The following SCUBE1 variants were observed in gnomAD, a reference collection of about 807,000 sequenced individuals.
SCUBE1 encodes signal peptide, CUB domain and EGF like domain containing 1, also known as signal peptide, CUB and EGF-like domain-containing protein 1.
A neutral mutation model predicts 124.4 loss-of-function variants in SCUBE1; 59 were observed. The observed-to-expected ratio is 0.47, with a 90% CI of 0.38 to 0.59. The LOEUF is 0.59. Among genes scored for constraint, SCUBE1 ranks in the 20% least tolerant of loss-of-function variants. SCUBE1 has a pLI of 0.00. For synonymous variants in SCUBE1, 545 were observed against 550.9 expected (o/e 0.99, Z 0.15); for missense variants, 1,150 against 1,371.2 (o/e 0.84, Z 2.55).
rs1921557447 is a variant in SCUBE1 at position 43,211,566 on chromosome 22, G to C, written c.2222-483C>G. On this transcript the variant is annotated intron_variant, in intron 17 of 21. Transcript: ENST00000360835. The surrounding 1 kb of genome is among the most constrained non-coding windows in gnomAD (Gnocchi z 4.5). ...GGAGCTCGCTCCGTCACCCAGGCTGGAGTGCAATGGTGCCATCTCGGCTCA... is the reference window on the plus strand; with the variant it reads ...GGAGCTCGCTCCGTCACCCAGGCTGCAGTGCAATGGTGCCATCTCGGCTCA... 6.6e-6 allele frequency among the ~76,000 whole-genome samples: 1 copy of C among 151,230 alleles called. No individual in the cohort carries two copies. The highest frequency in any genetic ancestry group is 1.9e-4 in the East Asian group (1 of 5,168).
chr22:43,276,587 C>T (rs557248308), intron 4 of SCUBE1, among the ~76,000 whole-genome samples: 3 of 152,324 alleles, frequency 2.0e-5, no homozygotes, highest in East Asian at 1.9e-4. Flanking sequence ...AGGATGACCT[C>T]GGCTGCTTCC....
chr22:43,271,762 G>C (rs1020425715), intron 4 of SCUBE1, among the ~76,000 whole-genome samples: 2 of 152,122 alleles, frequency 1.3e-5, no homozygotes, highest in Non-Finnish European at 2.9e-5. Flanking sequence ...CATCCCTAGG[G>C]GGTAGTCCCC....
At chr22:43,231,997 C>T (rs969943589) in intron 7 of SCUBE1, 122 bp from the exon 8 acceptor site, 2 of 1,211,704 alleles carry the variant, frequency 1.7e-6, no homozygotes, top group Admixed American at 1.9e-5. Context: ...TGCCCACTTC[C>T]CAAGCTGGCT....
At chr22:43,239,047 C>T (rs759952040) in intron 6 of SCUBE1, 93 bp from the exon 7 acceptor site, 87 of 998,618 alleles carry the variant, frequency 8.7e-5, no homozygotes, top group Admixed American at 1.3e-4. Flanking sequence ...AGACAGGAGA[C>T]GAGACCCGGG....
At chr22:43,269,871 C>T (rs933176338) in intron 4 of SCUBE1, among the ~76,000 whole-genome samples, 1 of 152,184 alleles carries the variant, frequency 6.6e-6, no homozygotes, top group African/African-American at 2.4e-5. Flanking sequence ...AGGCGCAGAA[C>T]AGCTGTAGGG....
intron 4 of SCUBE1, among the ~76,000 whole-genome samples, chr22:43,269,718 G>T (rs533487693): frequency 6.6e-6 from 1 of 152,152 alleles, no homozygotes; most frequent in Non-Finnish European, 1.5e-5. Flanking sequence ...TGGAGCCTTG[G>T]GGGTGGCAGG....
At chr22:43,238,335 T>C in intron 7 of SCUBE1, 1 of 215,924 alleles carries the variant, frequency 4.6e-6, no homozygotes, top group Non-Finnish European at 9.2e-6. Context: ...CTCGCCCCCC[T>C]AGTAGTGACA....
intron 3 of SCUBE1, among the ~76,000 whole-genome samples, chr22:43,294,982 C>T (rs1925503501): frequency 1.3e-5 from 2 of 152,150 alleles, no homozygotes; most frequent in Non-Finnish European, 2.9e-5. Context: ...TCTTATTATC[C>T]CTGATTCTCA....
intron 4 of SCUBE1, among the ~76,000 whole-genome samples, chr22:43,265,826 A>T (rs1924041395): frequency 1.3e-5 from 2 of 152,246 alleles, no homozygotes. Flanking sequence ...GGGGGTGGGC[A>T]TGGTGGCTCA....
rs201629334 is a variant in SCUBE1 at position 43,229,087 on chromosome 22, T to A, written c.1069A>T (p.Thr357Ser). ...LCHRGYILYG[T>S]THCGDVDECS... Reference sequence around the variant, plus strand: ...GGCTGCAGACCTCCGCAGTGGGTTGTCCCGTAGAGGATGTAGCCGCGGTGA... The same window carrying A: ...GGCTGCAGACCTCCGCAGTGGGTTGACCCGTAGAGGATGTAGCCGCGGTGA... The change falls in exon 9 of 22, where the codon ACA (threonine) becomes TCA (serine). Residue 357 changes from threonine (T) to serine (S), a missense_variant. By Grantham distance (58) the Thr-to-Ser change is moderately conservative. This residue lies in a region of SCUBE1 where 337 missense variants were observed against 482.1 expected (regional missense o/e 0.70). Transcript: ENST00000360835. 1 of 1,612,866 alleles carries A rather than the reference T, an allele frequency of 6.2e-7. No individual in the cohort carries two copies. The highest frequency in any genetic ancestry group is 8.5e-7 in the Non-Finnish European group (1 of 1,179,540).
At chr22:43,286,430 C>T (rs1167666167) in intron 4 of SCUBE1, among the ~76,000 whole-genome samples, 1 of 152,248 alleles carries the variant, frequency 6.6e-6, no homozygotes. Flanking sequence ...CAGGCGGCGT[C>T]TGATGAGGCT....
chr22:43,253,706 A>C (rs1923546083), intron 6 of SCUBE1, among the ~76,000 whole-genome samples: 1 of 130,206 alleles, frequency 7.7e-6, no homozygotes, highest in African/African-American at 4.0e-5. Context: ...GCAAGCACAG[A>C]GGCCCTCCTC....
rs772972752 is a variant in SCUBE1 at position 43,201,861 on chromosome 22, T to C, written c.*2136A>G. The C allele has an allele frequency of 2.6e-5, 4 of 152,244 alleles. No individual in the cohort carries two copies. Among genetic ancestry groups the C allele is most frequent in the Non-Finnish European group, 5.9e-5 (4 of 68,058 alleles). 9.4% of individuals were successfully genotyped at this position (152,244 alleles called of 1,614,324 possible). ...CTCCCGGCACCTTCCTCAGGAGCTG[T>C]TGCTGCAGGCTCACTCGGCAGGATG... On this transcript the variant is annotated 3_prime_UTR_variant, in exon 22 of 22. Transcript: ENST00000360835.
intron 2 of SCUBE1, among the ~76,000 whole-genome samples, chr22:43,334,844 G>T (rs1927013157): frequency 6.6e-6 from 1 of 152,128 alleles, no homozygotes; most frequent in African/African-American, 2.4e-5. Context: ...CTATCTGTAT[G>T]AAATAAGTAC....
At position 43,219,498 on chromosome 22, in the gene SCUBE1, T is replaced by TA. The variant is rs1326237932; in HGVS notation, c.1687+951dup. 3.0e-5 allele frequency among the ~76,000 whole-genome samples: 4 copies of TA among 131,546 alleles called. 1 individual carries two copies. Among genetic ancestry groups the TA allele is most frequent in the African/African-American group, 1.2e-4 (4 of 32,152 alleles). The allele number at this position is 131,546 out of a possible 152,430, so 86.3% of individuals were successfully genotyped here. On this transcript the variant is annotated intron_variant, in intron 14 of 21. Transcript: ENST00000360835. ...ACATTTCCTTTTTTTTTTTTTGAGATAGAGTCTCACTCGTCGCCAGGCTGG... is the reference window on the plus strand; with the variant it reads ...ACATTTCCTTTTTTTTTTTTTGAGATAAGAGTCTCACTCGTCGCCAGGCTGG...
intron 21 of SCUBE1, 77 bp downstream of exon 21, chr22:43,207,445 AGGGGCCAGGGCT>A: frequency 9.9e-7 from 1 of 1,005,056 alleles, no homozygotes; most frequent in South Asian, 1.3e-5. Flanking sequence ...TTGCTCCTCC[AGGGGCCAGGGCT>A]GGGGCAGGGG....
At chr22:43,285,442 C>T (rs1225555632) in intron 4 of SCUBE1, among the ~76,000 whole-genome samples, 2 of 152,176 alleles carry the variant, frequency 1.3e-5, no homozygotes, top group East Asian at 1.9e-4. Context: ...GGAACATAGT[C>T]CCTGCCCACA....
intron 6 of SCUBE1, among the ~76,000 whole-genome samples, chr22:43,251,465 G>T (rs1029466942): frequency 3.3e-5 from 5 of 152,242 alleles, no homozygotes; most frequent in African/African-American, 1.2e-4. Flanking sequence ...GAAGGACCAT[G>T]AGACGGGAAA....
At position 43,207,623 on chromosome 22, in the gene SCUBE1, G is replaced by C; in HGVS notation, c.2735-10C>G. ...AGTTGCTGGTAGTCCTCTGGGCAGC[G>C]GGTCAGCAGGGGGAGAGGAAGGCGA... On this transcript the variant is annotated splice_polypyrimidine_tract_variant and intron_variant, in intron 20 of 21. Transcript: ENST00000360835. 2 of 1,610,836 alleles carry C rather than the reference G, an allele frequency of 1.2e-6. No homozygotes were observed. The highest frequency in any genetic ancestry group is 1.7e-6 in the Non-Finnish European group (2 of 1,177,206).
Sources: allele counts gnomAD v4.1 joint callset (sites outside exome capture counted in the v4.1 genomes callset), GRCh38; gene constraint gnomAD v4.1.1; regional missense constraint gnomAD v4.1.1; non-coding constraint Gnocchi (gnomAD v3.1); transcripts MANE v1.5; gene names NCBI Gene and HGNC (gene_info 2026-07-23, HGNC 2026-07-21).